NXPE4: variants seen among roughly 807,000 people sequenced by gnomAD.
NXPE4 encodes NXPE family member 4.
NXPE4 carries 42 observed loss-of-function variants against 33.3 expected under a neutral mutation model. That is an observed-to-expected ratio of 1.26 (90% CI 0.98 to 1.63). NXPE4 has a LOEUF of 1.63. Ranked by LOEUF, NXPE4 falls within the 40% of genes most tolerant of loss-of-function variation. The pLI is 0.00. For synonymous variants in NXPE4, 253 were observed against 234.9 expected (o/e 1.08, Z -0.71); for missense variants, 709 against 647.6 (o/e 1.09, Z -1.03).
At chr11:114,658,939 G>T in the NXPE4 span, among the ~76,000 whole-genome samples, 1 of 152,166 alleles carries the variant, frequency 6.6e-6, no homozygotes, top group Admixed American at 6.5e-5. Context: ...ACAAGGGCAT[G>T]AAGAGAGGCT....
chr11:114,597,998 A>G (rs537740156), upstream of NXPE4, among the ~76,000 whole-genome samples: 1 of 152,268 alleles, frequency 6.6e-6, no homozygotes, highest in African/African-American at 2.4e-5. Context: ...GAGACAAGGT[A>G]AGTCCCTTCC....
the NXPE4 span, among the ~76,000 whole-genome samples, chr11:114,632,143 T>G: frequency 2.1e-5 from 3 of 143,566 alleles, no homozygotes; most frequent in African/African-American, 7.6e-5. Flanking sequence ...TATTATAATT[T>G]ATTATGTTAT....
chr11:114,601,451 A>G, the NXPE4 span, among the ~76,000 whole-genome samples: 1 of 125,122 alleles, frequency 8.0e-6, no homozygotes, highest in East Asian at 2.1e-4. Flanking sequence ...GTATATATTT[A>G]TATTATATAT....
intron 2 of NXPE4, chr11:114,584,096 G>A: frequency 3.4e-6 from 1 of 298,156 alleles, no homozygotes. Context: ...CAAAGGGCAT[G>A]CCAAGTGTGT....
At position 114,595,611 on chromosome 11, in the gene NXPE4, C is replaced by T. The variant is rs1470950360; in HGVS notation, c.-30G>A. ...TCATACCTTTAGTTTACAGATTGTT[C>T]AATCCCATACATAGACTCTCTGGCG... On this transcript the variant is annotated 5_prime_UTR_variant, in exon 1 of 6. Transcript: ENST00000375478. 6.6e-6 allele frequency: 1 copy of T among 152,304 alleles called. No individual in the cohort carries two copies. The highest frequency in any genetic ancestry group is 1.5e-5 in the Non-Finnish European group (1 of 68,036). The allele number at this position is 152,304 out of a possible 1,614,324, so 9.4% of individuals were successfully genotyped here.
At position 114,582,366 on chromosome 11, in the gene NXPE4, C is replaced by T. The variant is rs1356270641; in HGVS notation, c.752G>A (p.Cys251Tyr). ...AGAATACATGTGAGTGAGTGCAGCA[C>T]AGGGCATGTGTTGAGGCCTCACACA... ...FYCVRPQHMP[C>Y]AALTHMYSKN... is the part of the protein sequence containing the mutation. The change falls in exon 3 of 6, where the codon TGT becomes TAT. Residue 251 changes from cysteine (C) to tyrosine (Y), a missense_variant. Coordinates refer to ENST00000375478, the MANE Select transcript of NXPE4 (RefSeq NM_001077639.2). 2.1e-5 allele frequency: 34 copies of T among 1,614,080 alleles called. No homozygotes were observed. Among genetic ancestry groups the T allele is most frequent in the Non-Finnish European group, 2.6e-5 (31 of 1,179,932 alleles).
At chr11:114,625,955 G>A in the NXPE4 span, among the ~76,000 whole-genome samples, 3 of 152,064 alleles carry the variant, frequency 2.0e-5, no homozygotes, top group African/African-American at 7.3e-5. Flanking sequence ...CCCGAATACT[G>A]CACTTTTCCG....
At chr11:114,600,758 G>T (rs1949628814), upstream of NXPE4, among the ~76,000 whole-genome samples, 1 of 151,940 alleles carries the variant, frequency 6.6e-6, no homozygotes. Flanking sequence ...GTGTACCAAT[G>T]TTAATTTCTT....
the NXPE4 span, among the ~76,000 whole-genome samples, chr11:114,648,574 G>A: frequency 2.0e-5 from 3 of 152,108 alleles, no homozygotes; most frequent in African/African-American, 7.2e-5. Context: ...TATCAAATAT[G>A]TATACCTCAT....
the NXPE4 span, among the ~76,000 whole-genome samples, chr11:114,651,456 G>C: frequency 6.6e-6 from 1 of 152,156 alleles, no homozygotes; most frequent in Non-Finnish European, 1.5e-5. Flanking sequence ...AGGTAGTGTG[G>C]ACCCAAAGAG....
chr11:114,592,804 GTTATACTGGCATAAATATAGTCAC>G (rs1362726365), intron 2 of NXPE4, among the ~76,000 whole-genome samples: 2 of 151,896 alleles, frequency 1.3e-5, no homozygotes, highest in Non-Finnish European at 2.9e-5. Context: ...AGTAAACAGT[GTTATACTGGCATAAATATAGTCAC>G]ATACACCAAT....
At chr11:114,678,117 C>T in the NXPE4 span, among the ~76,000 whole-genome samples, 2 of 152,032 alleles carry the variant, frequency 1.3e-5, no homozygotes, top group Non-Finnish European at 2.9e-5. Context: ...ATTGAGAGGA[C>T]CCAGCTGAAT....
chr11:114,602,276 C>G, the NXPE4 span, among the ~76,000 whole-genome samples: 3 of 113,780 alleles, frequency 2.6e-5, no homozygotes, highest in African/African-American at 1.1e-4. Flanking sequence ...ATATATTATA[C>G]TATATATATG....
the NXPE4 span, among the ~76,000 whole-genome samples, chr11:114,668,182 T>C: frequency 6.6e-6 from 1 of 152,038 alleles, no homozygotes; most frequent in East Asian, 1.9e-4. Flanking sequence ...CTCTGTTTTG[T>C]GATTCTGTGG....
chr11:114,651,550 T>G, the NXPE4 span, among the ~76,000 whole-genome samples: 1 of 152,228 alleles, frequency 6.6e-6, no homozygotes, highest in Non-Finnish European at 1.5e-5. Context: ...TTGCCACTGC[T>G]GGCTTTGCTG....
At chr11:114,668,099 A>T in the NXPE4 span, among the ~76,000 whole-genome samples, 2 of 151,940 alleles carry the variant, frequency 1.3e-5, no homozygotes, top group Non-Finnish European at 1.5e-5. Flanking sequence ...GAAAAGACTG[A>T]ATACCTCTTG....
chr11:114,618,021 T>G, the NXPE4 span, among the ~76,000 whole-genome samples: 1 of 151,982 alleles, frequency 6.6e-6, no homozygotes, highest in African/African-American at 2.4e-5. Context: ...CGCTGGATAA[T>G]AAGTGTTGCC....
chr11:114,572,920 C>T (rs1403336082), intron 5 of NXPE4, among the ~76,000 whole-genome samples: 1 of 152,086 alleles, frequency 6.6e-6, no homozygotes, highest in East Asian at 1.9e-4. Context: ...ATCAGATTAT[C>T]TAAAGTCAAG....
chr11:114,585,365 C>T (rs1949267601), intron 2 of NXPE4, among the ~76,000 whole-genome samples: 1 of 152,068 alleles, frequency 6.6e-6, no homozygotes, highest in Non-Finnish European at 1.5e-5. Flanking sequence ...CAAGACCTAA[C>T]TCTATCCTTC....
Sources: gnomAD v4.1 joint callset for allele counts (sites outside exome capture counted in the v4.1 genomes callset) on GRCh38, gnomAD v4.1.1 for gene constraint, MANE v1.5 for transcripts, NCBI Gene and HGNC (gene_info 2026-07-23, HGNC 2026-07-21) for gene names.